Variants in FHOD3 observed in about 807,000 individuals in gnomAD.
The protein encoded by FHOD3 is formin homology 2 domain containing 3.
A neutral mutation model predicts 173.0 loss-of-function variants in FHOD3; 90 were observed. That is an observed-to-expected ratio of 0.52 (90% CI 0.44 to 0.62). The LOEUF is 0.62. Ranked by LOEUF, FHOD3 falls within the 20% of genes least tolerant of loss-of-function variation. The pLI is 0.00. For synonymous variants in FHOD3, 828 were observed against 823.0 expected (o/e 1.01, Z -0.10); for missense variants, 1,945 against 2,034.7 (o/e 0.96, Z 0.85).
chr18:36,720,748 CTT>C (rs57970078), intron 19 of FHOD3, among the ~76,000 whole-genome samples: 51 of 148,348 alleles, frequency 3.4e-4, no homozygotes, highest in African/African-American at 1.2e-3. Flanking sequence ...CCTCCTCCTT[CTT>C]CTCCTCCTGC....
intron 25 of FHOD3, among the ~76,000 whole-genome samples, chr18:36,758,447 G>A (rs2042725596): frequency 6.6e-6 from 1 of 152,220 alleles, no homozygotes; most frequent in Non-Finnish European, 1.5e-5. Context: ...AGTATGGAGA[G>A]TCAGTTCAGG....
At chr18:36,419,451 T>A (rs2049868734) in intron 3 of FHOD3, among the ~76,000 whole-genome samples, 1 of 152,040 alleles carries the variant, frequency 6.6e-6, no homozygotes, top group African/African-American at 2.4e-5. Flanking sequence ...AGCACAGCAG[T>A]CTGAGCTCTT....
At chr18:36,631,619 T>C (rs557262587) in intron 10 of FHOD3, among the ~76,000 whole-genome samples, 52 of 152,274 alleles carry the variant, frequency 3.4e-4, no homozygotes, top group Non-Finnish European at 5.9e-4. Context: ...TGTCACGATA[T>C]AGGTACTGTA....
rs1339895925 is a variant in FHOD3, at chr18:36,718,542, A to G, written c.3244A>G (p.Lys1082Glu). 6.2e-7 allele frequency: 1 copy of G among 1,614,054 alleles called. No individual in the cohort carries two copies. Among genetic ancestry groups the G allele is most frequent in the African/African-American group, 1.3e-5 (1 of 74,896 alleles). ...VPRGQPTFTK[K>E]KKTIRLFWNE... ...CAGGGGTCAGCCCACATTCACTAAG[A>G]AAAAGAAGACCATCCGTTTGTTCTG... Residue 1082 changes from lysine (K) to glutamate (E), a missense_variant, in exon 19 of 29, where the codon AAA (lysine) becomes GAA (glutamate). Around this residue, in one of 5 missense-constraint regions of FHOD3, gnomAD observed 231 missense variants for 321.9 expected, o/e 0.72. Coordinates refer to ENST00000590592, the MANE Select transcript of FHOD3 (RefSeq NM_001281740.3).
intron 3 of FHOD3, among the ~76,000 whole-genome samples, chr18:36,422,761 G>T (rs961295636): frequency 6.6e-6 from 1 of 152,150 alleles, no homozygotes; most frequent in African/African-American, 2.4e-5. Flanking sequence ...ACGTTAATTA[G>T]CGTCCTTAAG....
At chr18:36,425,739 A>G (rs1269112967) in intron 3 of FHOD3, among the ~76,000 whole-genome samples, 3 of 152,136 alleles carry the variant, frequency 2.0e-5, no homozygotes, top group Non-Finnish European at 4.4e-5. Flanking sequence ...CATATTTAAT[A>G]TATGTATATG....
chr18:36,632,116 A>G (rs2148872363), intron 10 of FHOD3, among the ~76,000 whole-genome samples: 1 of 152,320 alleles, frequency 6.6e-6, no homozygotes, highest in South Asian at 2.1e-4. Flanking sequence ...GAGACAATGG[A>G]CATTTACATT....
Position 36,423,242 on chromosome 18 carries a change from A to C in FHOD3, c.337+50498A>C, listed in dbSNP as rs77823582. On this transcript the variant is annotated intron_variant, in intron 3 of 28. Coordinates refer to ENST00000590592, the MANE Select transcript of FHOD3 (RefSeq NM_001281740.3). ...ATACACTTACGATTTTTAAAAAGCT[A>C]TAATTTTTATGATTTAATGCCATGA... Among the ~76,000 whole-genome samples the C allele has an allele frequency of 3.9e-5, 6 of 152,354 alleles. No homozygotes were observed. In the East Asian group the frequency reaches 1.2e-3, roughly 29 times the overall value.
At chr18:36,724,811 G>C (rs1379178044) in intron 19 of FHOD3, among the ~76,000 whole-genome samples, 2 of 152,210 alleles carry the variant, frequency 1.3e-5, no homozygotes, top group East Asian at 3.9e-4. Flanking sequence ...CAGGGGAGAA[G>C]GGCTACTACG....
intron 3 of FHOD3, among the ~76,000 whole-genome samples, chr18:36,441,335 G>A (rs1304080537): frequency 2.0e-5 from 3 of 152,224 alleles, no homozygotes; most frequent in African/African-American, 7.2e-5. Context: ...CCTGCTTTCT[G>A]AGGAGAAAGG....
At chr18:36,656,978 T>G (rs1430232554) in intron 13 of FHOD3, among the ~76,000 whole-genome samples, 2 of 152,198 alleles carry the variant, frequency 1.3e-5, no homozygotes, top group Non-Finnish European at 2.9e-5. Flanking sequence ...ACATTTTCAG[T>G]ATATAAATAA....
At chr18:36,467,273 G>A (rs554688702) in intron 3 of FHOD3, among the ~76,000 whole-genome samples, 1 of 152,152 alleles carries the variant, frequency 6.6e-6, no homozygotes, top group Non-Finnish European at 1.5e-5. Flanking sequence ...CTGACAGACT[G>A]TCAGCCCCTC....
chr18:36,603,485 AAAT>A (rs965274578), intron 8 of FHOD3, among the ~76,000 whole-genome samples: 5 of 150,894 alleles, frequency 3.3e-5, no homozygotes, highest in African/African-American at 1.2e-4. Context: ...TGGCCCCTTA[AAAT>A]AATAATAATA....
chr18:36,611,790 C>T (rs2032705769), intron 8 of FHOD3, among the ~76,000 whole-genome samples, 162 bp from the exon 9 acceptor site: 1 of 152,182 alleles, frequency 6.6e-6, no homozygotes, highest in African/African-American at 2.4e-5. Flanking sequence ...ATTCTGCCTG[C>T]CACACTGAAG....
chr18:36,641,636 C>T (rs976437625), intron 10 of FHOD3, among the ~76,000 whole-genome samples: 13 of 152,200 alleles, frequency 8.5e-5, no homozygotes, highest in Admixed American at 5.9e-4. Flanking sequence ...CACTGCACCC[C>T]AGCATCTTTG....
chr18:36,343,200 C>T (rs1347482717), intron 1 of FHOD3, among the ~76,000 whole-genome samples: 1 of 152,128 alleles, frequency 6.6e-6, no homozygotes, highest in Admixed American at 6.5e-5. Flanking sequence ...AAAACTTGTA[C>T]ACAGACAAAT....
intron 3 of FHOD3, among the ~76,000 whole-genome samples, chr18:36,409,700 G>A (rs377118392): frequency 3.3e-5 from 5 of 152,196 alleles, no homozygotes; most frequent in Admixed American, 2.6e-4. Flanking sequence ...AGGGCTGACC[G>A]TCAGATACAG....
At chr18:36,300,895 C>T (rs1219891618) in intron 1 of FHOD3, among the ~76,000 whole-genome samples, 2 of 152,040 alleles carry the variant, frequency 1.3e-5, no homozygotes, top group African/African-American at 2.4e-5. Context: ...CATGCACCAC[C>T]ACACCTTGCT....
intron 6 of FHOD3, among the ~76,000 whole-genome samples, chr18:36,580,818 T>C (rs998410366): frequency 6.6e-6 from 1 of 152,206 alleles, no homozygotes; most frequent in African/African-American, 2.4e-5. Context: ...CAATTCAAAT[T>C]AAGAAATCAG....
Sources: allele counts gnomAD v4.1 joint callset (sites outside exome capture counted in the v4.1 genomes callset), GRCh38; gene constraint gnomAD v4.1.1; regional missense constraint gnomAD v4.1.1; transcripts MANE v1.5; gene names NCBI Gene and HGNC (gene_info 2026-07-23, HGNC 2026-07-21).